HTR4: variants seen among roughly 807,000 people sequenced by gnomAD.
The protein encoded by HTR4 is 5-hydroxytryptamine receptor 4.
HTR4 carries 16 observed loss-of-function variants against 36.8 expected under a neutral mutation model. The ratio of observed to expected loss-of-function variants is 0.43; its 90% CI spans 0.29 to 0.66. The LOEUF is 0.66. HTR4 is among the 30% of genes least tolerant of loss of function. The probability of loss-of-function intolerance (pLI) is 0.13; values close to 1 mark genes in which losing one functional copy is unlikely to be tolerated. For synonymous variants in HTR4, 189 were observed against 185.1 expected (o/e 1.02, Z -0.17); for missense variants, 438 against 490.9 (o/e 0.89, Z 1.02).
intron 2 of HTR4, among the ~76,000 whole-genome samples, chr5:148,599,019 T>C (rs893731647): frequency 1.6e-4 from 24 of 152,012 alleles, no homozygotes; most frequent in African/African-American, 5.1e-4. Context: ...CAGCAGGATA[T>C]GAATTACAGG....
At chr5:148,574,615 G>C (rs1760814846) in intron 2 of HTR4, among the ~76,000 whole-genome samples, 1 of 152,032 alleles carries the variant, frequency 6.6e-6, no homozygotes, top group Admixed American at 6.6e-5. Flanking sequence ...TACATCTGTA[G>C]TACACAGGAA....
intron 2 of HTR4, among the ~76,000 whole-genome samples, chr5:148,615,316 G>A (rs1402398042): frequency 1.3e-5 from 2 of 151,996 alleles, no homozygotes. Context: ...TTAAGCAAAT[G>A]TGGCACATAT....
chr5:148,490,841 A>G (rs1365994080), intron 6 of HTR4: 4 of 548,450 alleles, frequency 7.3e-6, no homozygotes, highest in South Asian at 4.5e-5. Context: ...GTTTCCTCTA[A>G]CAGCCCTTTA....
intron 6 of HTR4, among the ~76,000 whole-genome samples, chr5:148,507,212 A>T (rs1757265137): frequency 6.6e-6 from 1 of 151,530 alleles, no homozygotes; most frequent in African/African-American, 2.4e-5. Flanking sequence ...GGATGAGTTC[A>T]CGTCCTTTGT....
At chr5:148,535,136 C>T (rs1224804816) in intron 4 of HTR4, among the ~76,000 whole-genome samples, 1 of 152,142 alleles carries the variant, frequency 6.6e-6, no homozygotes, top group Non-Finnish European at 1.5e-5. Flanking sequence ...CATTTATATA[C>T]CCACCTCTGA....
At chr5:148,603,898 G>A (rs1228993667) in intron 2 of HTR4, among the ~76,000 whole-genome samples, 4 of 151,948 alleles carry the variant, frequency 2.6e-5, no homozygotes, top group African/African-American at 4.8e-5. Context: ...TAATCATCAC[G>A]GACTTAAGAT....
intron 1 of HTR4, among the ~76,000 whole-genome samples, chr5:148,643,557 C>T (rs1197354487): frequency 6.6e-6 from 1 of 152,106 alleles, no homozygotes; most frequent in Non-Finnish European, 1.5e-5. Context: ...AATTTATGTG[C>T]TTTTGCAATC....
chr5:148,503,134 A>G (rs1288418067), intron 6 of HTR4, among the ~76,000 whole-genome samples: 1 of 152,214 alleles, frequency 6.6e-6, no homozygotes, highest in African/African-American at 2.4e-5. Context: ...TTCAGGAAAT[A>G]CAGAGAATGC....
chr5:148,493,543 G>T (rs1010383103), intron 6 of HTR4, among the ~76,000 whole-genome samples: 1 of 151,996 alleles, frequency 6.6e-6, no homozygotes. Context: ...ATGTATCAAC[G>T]ATAAATGAAT....
At chr5:148,586,475 C>T (rs1761354595) in intron 2 of HTR4, among the ~76,000 whole-genome samples, 1 of 151,978 alleles carries the variant, frequency 6.6e-6, no homozygotes, top group Admixed American at 6.6e-5. Flanking sequence ...CAAGGCACTT[C>T]TTACATGGCG....
chr5:148,631,516 T>A (rs970999018), intron 2 of HTR4, among the ~76,000 whole-genome samples: 12 of 152,166 alleles, frequency 7.9e-5, no homozygotes, highest in African/African-American at 2.9e-4. Context: ...CTAACACACA[T>A]TGATTTTTTA....
intron 2 of HTR4, among the ~76,000 whole-genome samples, chr5:148,615,822 G>A (rs1381685875): frequency 6.6e-6 from 1 of 152,106 alleles, no homozygotes; most frequent in Admixed American, 6.6e-5. Flanking sequence ...GCTGATTCAG[G>A]ACTTTCACTT....
chr5:148,617,252 G>A (rs1752732790), intron 2 of HTR4, among the ~76,000 whole-genome samples: 1 of 152,100 alleles, frequency 6.6e-6, no homozygotes, highest in Non-Finnish European at 1.5e-5. Flanking sequence ...TCTTGCTCCT[G>A]CTTTGGTGCC....
intron 2 of HTR4, among the ~76,000 whole-genome samples, chr5:148,611,059 C>A (rs1295426175): frequency 6.7e-6 from 1 of 148,890 alleles, no homozygotes; most frequent in Admixed American, 6.7e-5. Context: ...GATTGGTGTA[C>A]CTGAAAGTGA....
At chr5:148,617,137 C>A (rs990857802) in intron 2 of HTR4, among the ~76,000 whole-genome samples, 2 of 152,202 alleles carry the variant, frequency 1.3e-5, no homozygotes, top group Non-Finnish European at 2.9e-5. Context: ...GGATAGATTT[C>A]TCATAAATGG....
At chr5:148,600,258 CAT>C (rs1188902162) in intron 2 of HTR4, among the ~76,000 whole-genome samples, 1 of 147,558 alleles carries the variant, frequency 6.8e-6, no homozygotes, top group African/African-American at 2.5e-5. Flanking sequence ...AATATATCTT[CAT>C]ATATATACAT....
At chr5:148,553,580 A>G (rs1256387284) in intron 2 of HTR4, among the ~76,000 whole-genome samples, 5 of 152,200 alleles carry the variant, frequency 3.3e-5, no homozygotes, top group Non-Finnish European at 7.3e-5. Context: ...CCTTCTAACA[A>G]TTAAAGATGA....
intron 2 of HTR4, among the ~76,000 whole-genome samples, chr5:148,597,416 A>G (rs143304429): frequency 2.6e-5 from 4 of 152,318 alleles, no homozygotes; most frequent in Non-Finnish European, 5.9e-5. Flanking sequence ...TTAGAACCCA[A>G]GTTGAAACAG....
At chr5:148,528,008 G>T (rs1030690220) in intron 4 of HTR4, among the ~76,000 whole-genome samples, 1 of 152,202 alleles carries the variant, frequency 6.6e-6, no homozygotes, top group Non-Finnish European at 1.5e-5. Context: ...GGGTGCTAAG[G>T]TGGAATACAT....
Sources: gnomAD v4.1 joint callset for allele counts (sites outside exome capture counted in the v4.1 genomes callset) on GRCh38, gnomAD v4.1.1 for gene constraint, MANE v1.5 for transcripts, NCBI Gene and HGNC (gene_info 2026-07-23, HGNC 2026-07-21) for gene names.